Variants in NR6A1 observed in about 807,000 individuals in gnomAD.
The protein encoded by NR6A1 is nuclear receptor subfamily 6 group A member 1, also known as retinoic acid receptor-related testis-associated receptor.
In NR6A1, 7 loss-of-function variants were observed where a neutral mutation model predicts 59.1. The ratio of observed to expected loss-of-function variants is 0.12; its 90% CI spans 0.07 to 0.22. NR6A1 has a LOEUF of 0.22. NR6A1 is among the 10% of genes least tolerant of loss of function. The pLI, the probability that NR6A1 is intolerant of heterozygous loss-of-function variation, is 1.00. For synonymous variants in NR6A1, 243 were observed against 236.1 expected (o/e 1.03, Z -0.27); for missense variants, 468 against 611.6 (o/e 0.77, Z 2.48).
rs575224013 is a variant in NR6A1, at chr9:124,643,289, G to A, written c.143-88719C>T. Among the ~76,000 whole-genome samples, 175 of 151,630 alleles carry A rather than the reference G, an allele frequency of 1.2e-3. 1 individual carries two copies. The highest frequency in any genetic ancestry group is 3.8e-3 in the African/African-American group (159 of 41,306). ...AGCCTGGGCAACATAGTGAGACCCTGTCTCTATGAAATATTTTAAAATTTT... is the reference window on the plus strand; with the variant it reads ...AGCCTGGGCAACATAGTGAGACCCTATCTCTATGAAATATTTTAAAATTTT... On this transcript the variant is annotated intron_variant, in intron 2 of 9. Transcript: ENST00000487099.
intron 1 of NR6A1, among the ~76,000 whole-genome samples, chr9:124,762,962 A>G (rs550258871): frequency 6.6e-6 from 1 of 152,326 alleles, no homozygotes; most frequent in South Asian, 2.1e-4. Context: ...GTTTTCCTTG[A>G]TATGACAGAC....
At chr9:124,714,274 T>G (rs903640992) in intron 2 of NR6A1, among the ~76,000 whole-genome samples, 4 of 152,154 alleles carry the variant, frequency 2.6e-5, no homozygotes, top group African/African-American at 9.7e-5. Flanking sequence ...AGCTTCAGTT[T>G]TGCAATATGA....
intron 2 of NR6A1, among the ~76,000 whole-genome samples, chr9:124,715,060 T>G (rs547421760): frequency 6.6e-6 from 1 of 152,216 alleles, no homozygotes; most frequent in South Asian, 2.1e-4. Flanking sequence ...TAGCTTGGCA[T>G]GGTGGTGCAC....
At chr9:124,571,855 T>G (rs1834445504) in intron 2 of NR6A1, among the ~76,000 whole-genome samples, 1 of 152,064 alleles carries the variant, frequency 6.6e-6, no homozygotes, top group Non-Finnish European at 1.5e-5. Context: ...TCTAACCCAG[T>G]TTCTTTCCAA....
intron 1 of NR6A1, among the ~76,000 whole-genome samples, chr9:124,765,858 A>G (rs1840921124): frequency 6.6e-6 from 1 of 152,236 alleles, no homozygotes; most frequent in Non-Finnish European, 1.5e-5. Flanking sequence ...ATTCTTTCAA[A>G]TGATGCTCTC....
At chr9:124,581,748 T>C (rs189771670) in intron 2 of NR6A1, among the ~76,000 whole-genome samples, 145 of 151,986 alleles carry the variant, frequency 9.5e-4, no homozygotes, top group Middle Eastern at 3.4e-3. Flanking sequence ...ACCAACCACA[T>C]TGAAAAAGTG....
At chr9:124,633,940 A>G (rs1836522047) in intron 2 of NR6A1, among the ~76,000 whole-genome samples, 1 of 152,242 alleles carries the variant, frequency 6.6e-6, no homozygotes, top group Non-Finnish European at 1.5e-5. Flanking sequence ...TGTTTTCACA[A>G]TGTACTGTTA....
intron 2 of NR6A1, among the ~76,000 whole-genome samples, chr9:124,706,565 G>A (rs1011868181): frequency 6.6e-6 from 1 of 151,708 alleles, no homozygotes; most frequent in African/African-American, 2.4e-5. Flanking sequence ...AGGCTGGAGT[G>A]CAGTGGCGCA....
At chr9:124,604,346 C>T (rs2130828322) in intron 2 of NR6A1, among the ~76,000 whole-genome samples, 1 of 152,178 alleles carries the variant, frequency 6.6e-6, no homozygotes, top group Admixed American at 6.5e-5. Context: ...AGGCATCAAC[C>T]ACCCAAGCCA....
intron 2 of NR6A1, among the ~76,000 whole-genome samples, chr9:124,677,353 T>C (rs1837996763): frequency 1.3e-5 from 2 of 152,062 alleles, no homozygotes; most frequent in Non-Finnish European, 2.9e-5. Flanking sequence ...CAACCTCTCA[T>C]GTTCAAGTGA....
In NR6A1 at chr9:124,521,311, A is replaced by T. The variant is rs1832797592; in HGVS notation, c.*1394T>A. The T allele has an allele frequency of 6.6e-6, 1 of 152,462 alleles. No individual in the cohort carries two copies. The highest frequency in any genetic ancestry group is 1.5e-5 in the Non-Finnish European group (1 of 68,242). The allele number at this position is 152,462 out of a possible 1,614,324, so 9.4% of individuals were successfully genotyped here. A position where few individuals can be genotyped will look rare whatever the true frequency, so the allele number is the denominator to read the frequency against. On this transcript the variant is annotated 3_prime_UTR_variant, in exon 10 of 10. Coordinates refer to ENST00000487099, the MANE Select transcript of NR6A1 (RefSeq NM_033334.4). ...GTCAAGGAGTCCAGGCCATGTCTGC[A>T]GAGGTAGCAGCCGGGCCATTAGGAA...
rs1351699228 is a variant in NR6A1, at chr9:124,518,776, T to TA, written c.*3928dup. ...TTTTGGGTTTTTTTTTTTTTTACTT[T>TA]AAAAAAATCAATTAAAAATTCAAAG... On this transcript the variant is annotated 3_prime_UTR_variant, in exon 10 of 10. Transcript: ENST00000487099. The TA allele has an allele frequency of 6.6e-6, 1 of 150,766 alleles. No homozygotes were observed. Among genetic ancestry groups the TA allele is most frequent in the Non-Finnish European group, 1.5e-5 (1 of 67,760 alleles). 9.3% of individuals were successfully genotyped at this position (150,766 alleles called of 1,614,324 possible).
chr9:124,664,619 T>C (rs1433313711), intron 2 of NR6A1, among the ~76,000 whole-genome samples: 1 of 152,166 alleles, frequency 6.6e-6, no homozygotes, highest in Non-Finnish European at 1.5e-5. Context: ...AATGAATGAA[T>C]GGATGAATGA....
At chr9:124,683,563 G>A (rs772287235) in intron 2 of NR6A1, among the ~76,000 whole-genome samples, 1 of 152,232 alleles carries the variant, frequency 6.6e-6, no homozygotes, top group Admixed American at 6.5e-5. Flanking sequence ...GGAGGCCAAG[G>A]CAGGTGGATC....
At chr9:124,627,709 CT>C in intron 2 of NR6A1, among the ~76,000 whole-genome samples, 1 of 152,166 alleles carries the variant, frequency 6.6e-6, no homozygotes, top group East Asian at 1.9e-4. Context: ...GTAGCTCAGA[CT>C]ACAGGCATGT....
chr9:124,647,765 AGAAAT>A (rs1329174072), intron 2 of NR6A1, among the ~76,000 whole-genome samples: 1 of 151,266 alleles, frequency 6.6e-6, no homozygotes, highest in Non-Finnish European at 1.5e-5. Context: ...AAAAGAAAAA[AGAAAT>A]AGAAAACCTT....
At chr9:124,745,957 C>T (rs1281295146) in intron 1 of NR6A1, among the ~76,000 whole-genome samples, 3 of 141,310 alleles carry the variant, frequency 2.1e-5, no homozygotes, top group Non-Finnish European at 3.0e-5. Context: ...CACTGCACTC[C>T]AGCCTGGGCG....
chr9:124,593,178 C>T lies in NR6A1; in HGVS notation c.143-38608G>A, dbSNP rs187383941. ...ACTTTAGTGCATTTAAAAATCAAAT[C>T]TACAATTTTTGTAGAGTTCTTGACT... On this transcript the variant is annotated intron_variant, in intron 2 of 9. Coordinates refer to ENST00000487099, the MANE Select transcript of NR6A1 (RefSeq NM_033334.4). Among the ~76,000 whole-genome samples, 12 of 152,288 alleles carry T rather than the reference C, an allele frequency of 7.9e-5. 1 individual carries two copies. Among genetic ancestry groups the T allele is most frequent in the Admixed American group, 7.8e-4 (12 of 15,294 alleles).
intron 1 of NR6A1, among the ~76,000 whole-genome samples, chr9:124,764,989 T>C (rs955303314): frequency 6.6e-6 from 1 of 152,234 alleles, no homozygotes; most frequent in Non-Finnish European, 1.5e-5. Context: ...CAGAAAAATA[T>C]ACTGCTACTG....
Sources: allele counts gnomAD v4.1 joint callset (sites outside exome capture counted in the v4.1 genomes callset), GRCh38; gene constraint gnomAD v4.1.1; transcripts MANE v1.5; gene names NCBI Gene and HGNC (gene_info 2026-07-23, HGNC 2026-07-21).